The following DTL variants were observed in gnomAD, a reference collection of about 807,000 sequenced individuals.
DTL encodes denticleless E3 ubiquitin protein ligase adapter, also known as denticleless protein homolog.
DTL carries 46 observed loss-of-function variants against 87.0 expected under a neutral mutation model. The observed-to-expected ratio is 0.53, with a 90% CI of 0.42 to 0.68. DTL has a LOEUF of 0.68. DTL is among the 30% of genes least tolerant of loss of function. The pLI is 0.00. For synonymous variants in DTL, 308 were observed against 311.2 expected (o/e 0.99, Z 0.11); for missense variants, 737 against 869.4 (o/e 0.85, Z 1.91).
rs1654520576 is a variant in DTL at position 212,066,812 on chromosome 1, G to A, written c.640G>A (p.Asp214Asn). 6.2e-7 allele frequency: 1 copy of A among 1,613,178 alleles called. No homozygotes were observed. ...QNSKGLAPSV[D>N]FQQSVTVVLF... ...TCTTCTTCTTTTCTTGTGCTATCAGGATTTCCAGCAAAGTGTTACTGTGGT... is the reference window on the plus strand; with the variant it reads ...TCTTCTTCTTTTCTTGTGCTATCAGAATTTCCAGCAAAGTGTTACTGTGGT... Residue 214 changes from aspartate to asparagine, a missense_variant and splice_region_variant, in exon 8 of 15, where the codon GAT (aspartate) becomes AAT (asparagine). Coordinates refer to ENST00000366991, the MANE Select transcript of DTL (RefSeq NM_016448.4).
chr1:212,035,954 TC>T lies in DTL; in HGVS notation c.52+15del. 6.2e-7 allele frequency: 1 copy of T among 1,613,742 alleles called. No homozygotes were observed. The highest frequency in any genetic ancestry group is 8.5e-7 in the Non-Finnish European group (1 of 1,179,738). On this transcript the variant is annotated intron_variant, in intron 1 of 14. Transcript: ENST00000366991. ...CGTCCTGAGAAATGGTGAGTAACGG[TC>T]CCAACCGCTGCTCGGAGCTGGCGGA...
chr1:212,084,348 G>A (rs1013220552), intron 13 of DTL, among the ~76,000 whole-genome samples: 1 of 151,940 alleles, frequency 6.6e-6, no homozygotes, highest in African/African-American at 2.4e-5. Context: ...ACCATGCCCA[G>A]CTAATTTTTG....
intron 13 of DTL, among the ~76,000 whole-genome samples, chr1:212,093,660 C>T (rs1024587580): frequency 5.3e-5 from 8 of 152,230 alleles, no homozygotes; most frequent in Non-Finnish European, 1.2e-4. Flanking sequence ...TGCCAGCGTG[C>T]TTCTCAACGT....
At chr1:212,044,611 A>G in intron 2 of DTL, 49 bp from the exon 3 acceptor site, 4 of 1,286,570 alleles carry the variant, frequency 3.1e-6, no homozygotes, top group East Asian at 2.4e-5. Flanking sequence ...TGAAAAAAAA[A>G]AAAAAAATTG....
chr1:212,069,833 C>T (rs911580260), intron 10 of DTL, among the ~76,000 whole-genome samples: 2 of 152,114 alleles, frequency 1.3e-5, no homozygotes, highest in African/African-American at 4.8e-5. Context: ...CGTGAGCCAC[C>T]ATGCCCGGCC....
intron 13 of DTL, among the ~76,000 whole-genome samples, chr1:212,095,013 G>A (rs375037817): frequency 1.3e-5 from 2 of 152,112 alleles, no homozygotes; most frequent in East Asian, 1.9e-4. Context: ...GGTTTTCTAG[G>A]TATACAATCA....
intron 5 of DTL, among the ~76,000 whole-genome samples, chr1:212,058,671 A>G (rs1297482575): frequency 6.6e-6 from 1 of 152,078 alleles, no homozygotes; most frequent in East Asian, 1.9e-4. Flanking sequence ...CCCCAAATTA[A>G]TAGAGGGAAA....
chr1:212,094,002 T>C (rs1166217949), intron 13 of DTL, among the ~76,000 whole-genome samples: 1 of 152,204 alleles, frequency 6.6e-6, no homozygotes, highest in African/African-American at 2.4e-5. Flanking sequence ...TGGATAATAG[T>C]CCTTTGTTGG....
At chr1:212,094,370 C>T (rs1489330758) in intron 13 of DTL, among the ~76,000 whole-genome samples, 2 of 152,108 alleles carry the variant, frequency 1.3e-5, no homozygotes, top group South Asian at 2.1e-4. Flanking sequence ...CCTTTCCCCA[C>T]CTCATGTTTT....
At chr1:212,074,459 A>G (rs1654769498) in intron 11 of DTL, among the ~76,000 whole-genome samples, 1 of 152,166 alleles carries the variant, frequency 6.6e-6, no homozygotes, top group East Asian at 1.9e-4. Flanking sequence ...TCTACCACAT[A>G]CAAGGGTTAC....
At chr1:212,067,013 A>G (rs1654526644) in intron 8 of DTL, 128 bp downstream of exon 8, 1 of 732,142 alleles carries the variant, frequency 1.4e-6, no homozygotes, top group African/African-American at 1.8e-5. Flanking sequence ...ACCCCAACTG[A>G]GGAAAGGAGC....
chr1:212,101,986 C>T (rs753437419), intron 14 of DTL, among the ~76,000 whole-genome samples: 1 of 152,058 alleles, frequency 6.6e-6, no homozygotes, highest in Non-Finnish European at 1.5e-5. Context: ...CTTGTGGTGG[C>T]GGGATGATTG....
At chr1:212,081,750 A>C (rs540623108) in intron 13 of DTL, among the ~76,000 whole-genome samples, 2 of 152,332 alleles carry the variant, frequency 1.3e-5, no homozygotes, top group Non-Finnish European at 2.9e-5. Context: ...TATCAAGGAT[A>C]ACTTCAGAGA....
rs555634699 is a variant in DTL, at chr1:212,104,800, A to G, written c.*1860A>G. 40 of 152,314 alleles carry G rather than the reference A, an allele frequency of 2.6e-4. No individual in the cohort carries two copies. The highest frequency in any genetic ancestry group is 9.1e-4 in the African/African-American group (38 of 41,572). The allele number at this position is 152,314 out of a possible 1,614,324, so 9.4% of individuals were successfully genotyped here. A position where few individuals can be genotyped will look rare whatever the true frequency, so the allele number is the denominator to read the frequency against. ...GAGATAATTATCCCTGCCTGTGTCC[A>G]TGTCAGACTTTGAGCTGATCCTGAA... On this transcript the variant is annotated 3_prime_UTR_variant, in exon 15 of 15. Coordinates refer to ENST00000366991, the MANE Select transcript of DTL (RefSeq NM_016448.4).
At chr1:212,073,516 G>A (rs988278830) in intron 11 of DTL, among the ~76,000 whole-genome samples, 8 of 152,130 alleles carry the variant, frequency 5.3e-5, no homozygotes, top group Admixed American at 1.3e-4. Context: ...TAGGACAGGG[G>A]TAAAACCTGT....
At chr1:212,077,970 T>C (rs976043352) in intron 11 of DTL, among the ~76,000 whole-genome samples, 1 of 152,164 alleles carries the variant, frequency 6.6e-6, no homozygotes, top group African/African-American at 2.4e-5. Flanking sequence ...ACTGTTTTCA[T>C]TGTGTTTTCT....
At chr1:212,042,652 G>GA (rs1667689393) in intron 1 of DTL, among the ~76,000 whole-genome samples, 1 of 152,196 alleles carries the variant, frequency 6.6e-6, no homozygotes, top group African/African-American at 2.4e-5. Flanking sequence ...AGTTTTAATG[G>GA]AATGCTTTTG....
At chr1:212,081,308 A>C (rs1654984261) in intron 13 of DTL, among the ~76,000 whole-genome samples, 1 of 152,172 alleles carries the variant, frequency 6.6e-6, no homozygotes, top group African/African-American at 2.4e-5. Context: ...ATAAAAGTAC[A>C]CAGGCCCTAA....
intron 11 of DTL, among the ~76,000 whole-genome samples, chr1:212,076,997 A>C (rs1654851129): frequency 6.6e-6 from 1 of 152,138 alleles, no homozygotes; most frequent in South Asian, 2.1e-4. Context: ...AGTATTAATG[A>C]TTGAGTTGAA....
Sources: allele counts gnomAD v4.1 joint callset (sites outside exome capture counted in the v4.1 genomes callset), GRCh38; gene constraint gnomAD v4.1.1; transcripts MANE v1.5; gene names NCBI Gene and HGNC (gene_info 2026-07-23, HGNC 2026-07-21).